SLIT3: variants seen among roughly 807,000 people sequenced by gnomAD.
SLIT3 encodes slit homolog 3 protein.
Under a neutral mutation model 184.0 loss-of-function variants are expected in SLIT3, and 68 were observed. The observed-to-expected ratio is 0.37, with a 90% confidence interval of 0.30 to 0.45. SLIT3 has a LOEUF of 0.45. SLIT3 is among the 20% of genes least tolerant of loss of function. SLIT3 has a pLI of 1.00. For missense variants in SLIT3, 1,707 were observed against 2,026.0 expected (o/e 0.84, Z 3.02); for synonymous variants, 831 against 828.6 (o/e 1.00, Z -0.05).
intron 1 of SLIT3, among the ~76,000 whole-genome samples, chr5:169,286,353 T>G (rs1767149864): frequency 7.5e-6 from 1 of 133,678 alleles, no homozygotes; most frequent in Admixed American, 6.9e-5. Context: ...AGGCTTACTG[T>G]GGAGCTGAGC....
At chr5:169,263,554 A>C in intron 1 of SLIT3, 2 of 434,392 alleles carry the variant, frequency 4.6e-6, no homozygotes, top group Non-Finnish European at 9.2e-6. Context: ...AGGCTCCAGA[A>C]GTCTGAAAGG....
At chr5:168,813,880 G>A (rs540022123) in intron 8 of SLIT3, among the ~76,000 whole-genome samples, 2 of 152,322 alleles carry the variant, frequency 1.3e-5, no homozygotes, top group East Asian at 3.9e-4. Flanking sequence ...ACCATTTAAA[G>A]GCTCAGGGAG....
chr5:169,022,437 G>GTCT (rs1756636743), intron 4 of SLIT3, among the ~76,000 whole-genome samples: 1 of 152,194 alleles, frequency 6.6e-6, no homozygotes, highest in African/African-American at 2.4e-5. Context: ...TTATTTGCAA[G>GTCT]TGCCTGCTAT....
In SLIT3 at chr5:168,938,122, A is replaced by C. The variant is rs142787753; in HGVS notation, c.414-54786T>G. 5.2e-4 allele frequency among the ~76,000 whole-genome samples: 79 copies of C among 152,338 alleles called. 1 individual carries two copies. In the East Asian group the frequency reaches 9.4e-3, roughly 18 times the overall value. On this transcript the variant is annotated intron_variant, in intron 4 of 35. Coordinates refer to ENST00000519560, the MANE Select transcript of SLIT3 (RefSeq NM_003062.4). ...TCACAACAATTTTCTGACAGTTGGG[A>C]GTAAACTACTTGGAGGAAGAGTGAA...
chr5:169,215,966 T>A (rs1764422363), intron 3 of SLIT3, among the ~76,000 whole-genome samples: 1 of 152,222 alleles, frequency 6.6e-6, no homozygotes, highest in Non-Finnish European at 1.5e-5. Context: ...CCTATGATAG[T>A]TCAAACCTAT....
chr5:168,750,509 C>T (rs530494835), intron 18 of SLIT3, among the ~76,000 whole-genome samples: 7 of 152,236 alleles, frequency 4.6e-5, no homozygotes, highest in South Asian at 2.1e-4. Context: ...GTGGCTGTTT[C>T]GGGGTTGGAG....
At chr5:168,691,013 G>T (rs1761890494) in intron 29 of SLIT3, among the ~76,000 whole-genome samples, 2 of 152,120 alleles carry the variant, frequency 1.3e-5, no homozygotes, top group South Asian at 4.1e-4. Flanking sequence ...TTCCTAAAGG[G>T]GTGGGGCTGC....
intron 18 of SLIT3, among the ~76,000 whole-genome samples, chr5:168,750,368 G>A (rs535290819): frequency 6.6e-6 from 1 of 152,340 alleles, no homozygotes; most frequent in South Asian, 2.1e-4. Flanking sequence ...TCCTGTCACA[G>A]CGACCCTATG....
intron 4 of SLIT3, among the ~76,000 whole-genome samples, chr5:169,006,603 TCTCACACA>T (rs1041108382): frequency 2.7e-5 from 4 of 148,650 alleles, no homozygotes; most frequent in African/African-American, 1.0e-4. Context: ...TCTCTCTCTC[TCTCACACA>T]CACACACACA....
intron 12 of SLIT3, among the ~76,000 whole-genome samples, chr5:168,779,695 G>C (rs1482726466): frequency 2.0e-5 from 3 of 152,218 alleles, no homozygotes; most frequent in Non-Finnish European, 4.4e-5. Context: ...CTGGAGGAGG[G>C]AAATGAAATG....
chr5:168,887,556 G>A (rs1225640890), intron 4 of SLIT3, among the ~76,000 whole-genome samples: 1 of 152,168 alleles, frequency 6.6e-6, no homozygotes, highest in African/African-American at 2.4e-5. Flanking sequence ...TACACGTAGA[G>A]CACCGTGTGG....
At position 168,786,001 on chromosome 5, in the gene SLIT3, A is replaced by G. The variant is rs533261865; in HGVS notation, c.1080-23T>C. The stretch of plus-strand genomic sequence containing the variant: ...ACCCTGAAAGAGAGAAGGAGAAGAC[A>G]GCAATCACTGTGGATGTGAGGCCAC... On this transcript the variant is annotated intron_variant, in intron 11 of 35. Transcript: ENST00000519560. 2.4e-5 allele frequency: 37 copies of G among 1,555,924 alleles called. No homozygotes were observed. In the South Asian group the frequency reaches 2.8e-4, roughly 12 times the overall value.
chr5:169,223,085 A>G (rs1007076464), intron 3 of SLIT3, among the ~76,000 whole-genome samples: 1 of 151,742 alleles, frequency 6.6e-6, no homozygotes, highest in Non-Finnish European at 1.5e-5. Context: ...TTCAGTCCGG[A>G]TTTTTTTTTC....
chr5:168,668,533 T>A (rs964410741), intron 35 of SLIT3, among the ~76,000 whole-genome samples: 3 of 152,222 alleles, frequency 2.0e-5, no homozygotes, highest in Non-Finnish European at 4.4e-5. Flanking sequence ...TCTACACTTG[T>A]TTCATCTTTA....
At chr5:169,112,723 G>A (rs1031460749) in intron 4 of SLIT3, among the ~76,000 whole-genome samples, 4 of 152,124 alleles carry the variant, frequency 2.6e-5, no homozygotes, top group African/African-American at 9.7e-5. Context: ...TCCAGAGAGG[G>A]GCACCCAATG....
intron 6 of SLIT3, among the ~76,000 whole-genome samples, chr5:168,832,924 GA>G (rs1328059068): frequency 2.0e-5 from 3 of 152,136 alleles, no homozygotes; most frequent in South Asian, 2.1e-4. Context: ...ATTTAAATCA[GA>G]AAAAAATATA....
At position 168,692,592 on chromosome 5, in the gene SLIT3, G is replaced by T; in HGVS notation, c.3176+15C>A. On this transcript the variant is annotated intron_variant, in intron 29 of 35. Coordinates refer to ENST00000519560, the MANE Select transcript of SLIT3 (RefSeq NM_003062.4). ...TTCATGGACTCTGTGCTGGGGGCAC[G>T]AAGCCAGGTCTTACCTGAATCCTTT... 1 of 1,601,902 alleles carries T rather than the reference G, an allele frequency of 6.2e-7. No homozygotes were observed.
chr5:168,929,684 C>T (rs75518191), intron 4 of SLIT3, among the ~76,000 whole-genome samples: 3,319 of 152,270 alleles, frequency 0.022, 116 homozygotes, highest in African/African-American at 0.074. Flanking sequence ...CTGAAGTCTA[C>T]CTGAGAAGTC....
intron 4 of SLIT3, among the ~76,000 whole-genome samples, chr5:169,103,583 G>A (rs963168828): frequency 2.0e-5 from 3 of 152,208 alleles, no homozygotes; most frequent in African/African-American, 7.2e-5. Flanking sequence ...AAAATGCAGG[G>A]ATTAAGTTCC....
Sources: allele counts gnomAD v4.1 joint callset (sites outside exome capture counted in the v4.1 genomes callset), GRCh38; gene constraint gnomAD v4.1.1; transcripts MANE v1.5; gene names NCBI Gene and HGNC (gene_info 2026-07-23, HGNC 2026-07-21).